The following NRXN3 variants were observed in gnomAD, a reference collection of about 807,000 sequenced individuals.
NRXN3 encodes the protein neurexin III.
NRXN3 carries 32 observed loss-of-function variants against 137.6 expected under a neutral mutation model. The observed-to-expected ratio is 0.23, with a 90% CI of 0.18 to 0.31. NRXN3 has a LOEUF of 0.31. Among genes scored for constraint, NRXN3 ranks in the 10% least tolerant of loss-of-function variants. NRXN3 has a pLI of 1.00. For missense variants in NRXN3, 1,574 were observed against 2,062.5 expected (o/e 0.76, Z 4.59); for synonymous variants, 798 against 784.5 (o/e 1.02, Z -0.29).
intron 4 of NRXN3, among the ~76,000 whole-genome samples, chr14:78,577,276 A>G (rs905550814): frequency 1.3e-5 from 2 of 152,194 alleles, no homozygotes; most frequent in Admixed American, 6.5e-5. Context: ...CATTATTCCC[A>G]GAATATTGGA....
chr14:78,437,974 G>A (rs1052569696), intron 4 of NRXN3, among the ~76,000 whole-genome samples: 3 of 152,164 alleles, frequency 2.0e-5, no homozygotes, highest in African/African-American at 7.2e-5. Flanking sequence ...TCTGGTGGCT[G>A]GTGTTGAAGA....
At chr14:79,275,956 T>A (rs2080223812) in intron 15 of NRXN3, among the ~76,000 whole-genome samples, 1 of 152,186 alleles carries the variant, frequency 6.6e-6, no homozygotes, top group Admixed American at 6.5e-5. Context: ...GCATAGTGTT[T>A]CTAAATCTAT....
rs1383882368 is a variant in NRXN3, at chr14:78,911,090, G to A, written c.2276-46152G>A. ...AATTTTATGGTAACAATAACATTATGCATGCATTGAGTGTTTGCTACATAT... is the reference window on the plus strand; with the variant it reads ...AATTTTATGGTAACAATAACATTATACATGCATTGAGTGTTTGCTACATAT... On this transcript the variant is annotated intron_variant, in intron 10 of 20. Coordinates refer to ENST00000335750, the MANE Select transcript of NRXN3 (RefSeq NM_001330195.2). Among the ~76,000 whole-genome samples, 4 of 152,050 alleles carry A rather than the reference G, an allele frequency of 2.6e-5. No homozygotes were observed. In the East Asian group the frequency reaches 5.8e-4, roughly 22 times the overall value.
chr14:78,291,593 C>A (rs1430336205), intron 3 of NRXN3, among the ~76,000 whole-genome samples: 1 of 152,166 alleles, frequency 6.6e-6, no homozygotes, highest in Non-Finnish European at 1.5e-5. Context: ...ACCCTACAGA[C>A]ACTTTTGGCT....
chr14:79,486,020 GTTATTA>G (rs369427036), intron 16 of NRXN3, among the ~76,000 whole-genome samples: 10 of 151,630 alleles, frequency 6.6e-5, no homozygotes, highest in East Asian at 1.9e-4. Flanking sequence ...CTGTATTATT[GTTATTA>G]TTATTATTAT....
At chr14:79,349,377 A>T (rs2093075695) in intron 15 of NRXN3, among the ~76,000 whole-genome samples, 1 of 152,114 alleles carries the variant, frequency 6.6e-6, no homozygotes, top group Non-Finnish European at 1.5e-5. Flanking sequence ...AGAAAGCAGG[A>T]GGAAATGAAC....
intron 4 of NRXN3, among the ~76,000 whole-genome samples, chr14:78,441,968 G>C (rs7141918): frequency 1 from 151,559 of 151,998 alleles, 75,562 homozygotes; most frequent in Non-Finnish European, 1. Context: ...TGGTGGCGGG[G>C]ACCTGTAGTC....
intron 15 of NRXN3, among the ~76,000 whole-genome samples, chr14:79,373,749 C>T (rs558499939): frequency 1.4e-4 from 21 of 152,212 alleles, no homozygotes; most frequent in East Asian, 1.2e-3. Context: ...AGGATATACT[C>T]GAAAAGCAGT....
At chr14:79,499,485 G>C (rs560583146) in intron 16 of NRXN3, among the ~76,000 whole-genome samples, 4 of 152,196 alleles carry the variant, frequency 2.6e-5, no homozygotes, top group African/African-American at 4.8e-5. Flanking sequence ...TCTTCATTCT[G>C]TCCAGTATTA....
chr14:79,667,609 T>C (rs1567829686), intron 17 of NRXN3, among the ~76,000 whole-genome samples: 1 of 152,104 alleles, frequency 6.6e-6, no homozygotes, highest in Admixed American at 6.6e-5. Flanking sequence ...CGGAATCTTA[T>C]ATCACTAAAT....
intron 17 of NRXN3, among the ~76,000 whole-genome samples, chr14:79,683,968 G>A (rs941462678): frequency 5.3e-5 from 8 of 152,106 alleles, no homozygotes; most frequent in Non-Finnish European, 4.4e-5. Context: ...CCACAATCAA[G>A]GTTGAAGAAT....
chr14:78,218,521 A>G (rs1416327061), intron 1 of NRXN3, among the ~76,000 whole-genome samples: 1 of 152,246 alleles, frequency 6.6e-6, no homozygotes, highest in Non-Finnish European at 1.5e-5. Context: ...AGTCCTGGTT[A>G]GAAAGCATCT....
At chr14:78,518,422 A>G (rs2096242286) in intron 4 of NRXN3, among the ~76,000 whole-genome samples, 1 of 152,112 alleles carries the variant, frequency 6.6e-6, no homozygotes, top group Non-Finnish European at 1.5e-5. Flanking sequence ...CAGGAGCTAG[A>G]GGTGATCAGA....
At chr14:78,864,737 T>A (rs1366995304) in intron 10 of NRXN3, among the ~76,000 whole-genome samples, 5 of 152,126 alleles carry the variant, frequency 3.3e-5, no homozygotes, top group Non-Finnish European at 7.4e-5. Context: ...TATTTTAGAC[T>A]TTGGTTTCAT....
chr14:79,129,093 A>G (rs911744326), intron 15 of NRXN3, among the ~76,000 whole-genome samples: 6 of 152,030 alleles, frequency 3.9e-5, no homozygotes, highest in South Asian at 4.2e-4. Context: ...TCTTGCTAGC[A>G]GTCTATCAAT....
chr14:78,764,030 T>C (rs1460858611), intron 8 of NRXN3, among the ~76,000 whole-genome samples: 2 of 152,182 alleles, frequency 1.3e-5, no homozygotes, highest in African/African-American at 4.8e-5. Context: ...GAACTGGCTT[T>C]AGGTCTGTCT....
At chr14:79,061,817 C>A (rs367839090) in intron 15 of NRXN3, among the ~76,000 whole-genome samples, 3 of 152,178 alleles carry the variant, frequency 2.0e-5, no homozygotes, top group African/African-American at 4.8e-5. Flanking sequence ...CTCCCCATCC[C>A]GGCCCATCCC....
intron 10 of NRXN3, among the ~76,000 whole-genome samples, chr14:78,927,430 T>G (rs1267171318): frequency 6.6e-6 from 1 of 152,000 alleles, no homozygotes; most frequent in Non-Finnish European, 1.5e-5. Context: ...GAGAGTGCAG[T>G]GACAGTGGCA....
chr14:78,998,465 C>G (rs2099534632), intron 15 of NRXN3, among the ~76,000 whole-genome samples: 1 of 152,100 alleles, frequency 6.6e-6, no homozygotes, highest in African/African-American at 2.4e-5. Context: ...AGTGATAATC[C>G]CTCTGTAGTC....
Sources: gnomAD v4.1 joint callset for allele counts (sites outside exome capture counted in the v4.1 genomes callset) on GRCh38, gnomAD v4.1.1 for gene constraint, MANE v1.5 for transcripts, NCBI Gene and HGNC (gene_info 2026-07-23, HGNC 2026-07-21) for gene names.